The following CXCL13 variants were observed in gnomAD, a reference collection of about 807,000 sequenced individuals.
CXCL13 encodes C-X-C motif chemokine ligand 13.
CXCL13 carries 7 observed loss-of-function variants against 12.2 expected under a neutral mutation model. The ratio of observed to expected loss-of-function variants is 0.57; its 90% CI spans 0.33 to 1.07. The LOEUF is 1.07. CXCL13 is among the 50% of genes least tolerant of loss of function. The pLI is 0.04. For synonymous variants in CXCL13, 47 were observed against 42.4 expected, an observed-to-expected ratio of 1.11 and a Z score of -0.42; for missense variants, 113 against 127.4, an observed-to-expected ratio of 0.89 and a Z score of 0.55.
Position 77,570,768 on chromosome 4 carries a change from G to A in CXCL13, c.-42-35056G>A, listed in dbSNP as rs545771830. Among the ~76,000 whole-genome samples the A allele has an allele frequency of 1.4e-4, 21 of 149,608 alleles. 1 individual carries two copies. The highest frequency in any genetic ancestry group is 6.2e-4 in the South Asian group (3 of 4,826). The stretch of plus-strand genomic sequence containing the variant: ...GGTCCTATAGTCAGAGCGGTCGGCC[G>A]GCCCTGCCGGCCCTGGGCAGTGAGG... On this transcript the variant is annotated intron_variant, in intron 1 of 4. Transcript: ENST00000286758.
At chr4:77,584,758 G>A (rs1407988273) in intron 1 of CXCL13, among the ~76,000 whole-genome samples, 1 of 152,216 alleles carries the variant, frequency 6.6e-6, no homozygotes, top group African/African-American at 2.4e-5. Context: ...AAGCTGGAAA[G>A]TCCAGTCAAG....
At chr4:77,539,757 C>T (rs550163106) in intron 1 of CXCL13, among the ~76,000 whole-genome samples, 2 of 152,250 alleles carry the variant, frequency 1.3e-5, no homozygotes, top group East Asian at 1.9e-4. Context: ...AGGGGATTGC[C>T]GTTCCCTGGT....
chr4:77,601,416 G>A (rs1025300728), upstream of CXCL13, among the ~76,000 whole-genome samples: 4 of 152,026 alleles, frequency 2.6e-5, no homozygotes, highest in South Asian at 8.3e-4. Flanking sequence ...AAAAGAAAAT[G>A]ATGAAAAAAA....
chr4:77,550,335 C>T (rs1725480106), intron 1 of CXCL13, among the ~76,000 whole-genome samples: 1 of 152,260 alleles, frequency 6.6e-6, no homozygotes, highest in African/African-American at 2.4e-5. Context: ...ATCTTACACT[C>T]AGTGGGCTGC....
chr4:77,583,308 G>A (rs568381422), intron 1 of CXCL13, among the ~76,000 whole-genome samples: 1 of 152,292 alleles, frequency 6.6e-6, no homozygotes, highest in East Asian at 1.9e-4. Flanking sequence ...ATGCAGCTTG[G>A]TAGGGATGCA....
intron 1 of CXCL13, among the ~76,000 whole-genome samples, chr4:77,594,760 G>A (rs1256851752): frequency 2.6e-5 from 4 of 152,170 alleles, no homozygotes; most frequent in Admixed American, 6.5e-5. Context: ...GTCGGGGTAG[G>A]AGGCTGGGGA....
At chr4:77,553,253 G>C (rs1456112676) in intron 1 of CXCL13, among the ~76,000 whole-genome samples, 1 of 152,202 alleles carries the variant, frequency 6.6e-6, no homozygotes, top group African/African-American at 2.4e-5. Context: ...ACCTACTGCT[G>C]AGGTACTTTT....
intron 1 of CXCL13, among the ~76,000 whole-genome samples, chr4:77,530,431 T>G (rs964253729): frequency 5.9e-5 from 9 of 152,224 alleles, no homozygotes; most frequent in African/African-American, 2.2e-4. Flanking sequence ...TGGTAAGCTA[T>G]TAATTATTGC....
intron 1 of CXCL13, among the ~76,000 whole-genome samples, chr4:77,516,152 T>C (rs1342631654): frequency 1.3e-5 from 2 of 152,208 alleles, no homozygotes; most frequent in Non-Finnish European, 2.9e-5. Flanking sequence ...ATCCCAGAGA[T>C]GAAGCCCACT....
At chr4:77,519,357 G>A (rs375461161) in intron 1 of CXCL13, among the ~76,000 whole-genome samples, 26 of 152,266 alleles carry the variant, frequency 1.7e-4, no homozygotes, top group African/African-American at 4.3e-4. Flanking sequence ...CGTCTTCTGC[G>A]TCACTCACGC....
intron 1 of CXCL13, among the ~76,000 whole-genome samples, chr4:77,569,596 C>A (rs1234364102): frequency 6.6e-6 from 1 of 152,102 alleles, no homozygotes; most frequent in Middle Eastern, 3.2e-3. Context: ...ACAAGGAGAC[C>A]TACAAGATAC....
At chr4:77,564,337 A>C (rs1041293347) in intron 1 of CXCL13, among the ~76,000 whole-genome samples, 1 of 152,228 alleles carries the variant, frequency 6.6e-6, no homozygotes, top group Admixed American at 6.5e-5. Context: ...TGAAATGTAC[A>C]TATGCAGAGG....
intron 1 of CXCL13, among the ~76,000 whole-genome samples, chr4:77,582,397 T>TA (rs1726360481): frequency 6.6e-6 from 1 of 152,154 alleles, no homozygotes; most frequent in African/African-American, 2.4e-5. Context: ...CTAGATCGGG[T>TA]AGGCAGTGGG....
At chr4:77,592,984 A>C (rs1348045796) in intron 1 of CXCL13, among the ~76,000 whole-genome samples, 1 of 152,240 alleles carries the variant, frequency 6.6e-6, no homozygotes, top group East Asian at 1.9e-4. Context: ...AGAGAGGTTA[A>C]TAACGTATAA....
intron 1 of CXCL13, among the ~76,000 whole-genome samples, chr4:77,593,958 G>C (rs1372578516): frequency 6.6e-6 from 1 of 152,194 alleles, no homozygotes; most frequent in Non-Finnish European, 1.5e-5. Context: ...ATAAACTGGG[G>C]CAGTGCCTCT....
At chr4:77,605,975 T>C in intron 1 of CXCL13, 46 bp downstream of exon 1, 2 of 1,366,450 alleles carry the variant, frequency 1.5e-6, no homozygotes, top group Non-Finnish European at 1.0e-6. Flanking sequence ...ACAGAAATAG[T>C]CTTTAACCAC....
At chr4:77,538,944 A>G (rs1272969990) in intron 1 of CXCL13, among the ~76,000 whole-genome samples, 1 of 152,224 alleles carries the variant, frequency 6.6e-6, no homozygotes, top group Non-Finnish European at 1.5e-5. Flanking sequence ...AGCTCTAGGC[A>G]AGTTTTAGAA....
chr4:77,558,227 G>T (rs1578053004), intron 1 of CXCL13, among the ~76,000 whole-genome samples: 1 of 152,346 alleles, frequency 6.6e-6, no homozygotes, highest in East Asian at 1.9e-4. Flanking sequence ...CCTAGGTATA[G>T]GCCCATGGCC....
intron 1 of CXCL13, among the ~76,000 whole-genome samples, chr4:77,514,614 G>A (rs1157355495): frequency 6.7e-6 from 1 of 148,678 alleles, no homozygotes. Flanking sequence ...CTTTTGAGAA[G>A]TGTCTGTTCA....
Sources: allele counts gnomAD v4.1 joint callset (sites outside exome capture counted in the v4.1 genomes callset), GRCh38; gene constraint gnomAD v4.1.1; transcripts MANE v1.5; gene names NCBI Gene and HGNC (gene_info 2026-07-23, HGNC 2026-07-21).